MANBA: variants seen among roughly 807,000 people sequenced by gnomAD.
MANBA encodes the protein beta-mannosidase.
MANBA carries 83 observed loss-of-function variants against 111.1 expected under a neutral mutation model. The ratio of observed to expected loss-of-function variants is 0.75; its 90% CI spans 0.63 to 0.90. The LOEUF (loss-of-function observed/expected upper bound fraction) is 0.90, where lower values mean the gene tolerates loss of function less well. MANBA is among the 40% of genes least tolerant of loss of function. The pLI, the probability that MANBA is intolerant of heterozygous loss-of-function variation, is 0.00. For synonymous variants in MANBA, 370 were observed against 378.7 expected, an observed-to-expected ratio of 0.98 and a Z score of 0.27; for missense variants, 1,036 against 1,069.0, an observed-to-expected ratio of 0.97 and a Z score of 0.43.
chr4:102,661,664 C>T (rs1730961179), intron 11 of MANBA, among the ~76,000 whole-genome samples: 1 of 152,198 alleles, frequency 6.6e-6, no homozygotes, highest in Non-Finnish European at 1.5e-5. Context: ...AGTAAAATTA[C>T]AAACAAGTCT....
intron 1 of MANBA, among the ~76,000 whole-genome samples, chr4:102,745,616 C>T (rs1723558436): frequency 6.6e-6 from 1 of 152,164 alleles, no homozygotes; most frequent in Non-Finnish European, 1.5e-5. Context: ...AGCTTGCTCA[C>T]AGTGGGCCAT....
At chr4:102,709,201 A>C (rs371832992) in intron 5 of MANBA, among the ~76,000 whole-genome samples, 1 of 151,110 alleles carries the variant, frequency 6.6e-6, no homozygotes, top group South Asian at 2.1e-4. Context: ...AAAAAGGAAA[A>C]GGCAAGGCAA....
intron 1 of MANBA, chr4:102,727,627 T>C: frequency 6.5e-7 from 1 of 1,542,084 alleles, no homozygotes; most frequent in Non-Finnish European, 9.0e-7. Context: ...GCCCATGTTG[T>C]TGTATTCCCA....
Position 102,631,215 on chromosome 4 carries a change from A to G in MANBA, c.*842T>C, listed in dbSNP as rs758403100. 1 of 152,022 alleles carries G rather than the reference A, an allele frequency of 6.6e-6. No individual in the cohort carries two copies. Among genetic ancestry groups the G allele is most frequent in the Non-Finnish European group, 1.5e-5 (1 of 68,096 alleles). The allele number at this position is 152,022 out of a possible 1,614,324, so 9.4% of individuals were successfully genotyped here. On this transcript the variant is annotated 3_prime_UTR_variant, in exon 17 of 17. Transcript: ENST00000647097. ...GACTGGATTGTCTGTAGTTACTTTT[A>G]GAGTCACTGAACATAATGCTTCTCA...
chr4:102,710,448 C>T (rs1168516541), intron 5 of MANBA, among the ~76,000 whole-genome samples: 1 of 151,978 alleles, frequency 6.6e-6, no homozygotes, highest in African/African-American at 2.4e-5. Flanking sequence ...ATAAATGTAA[C>T]CAAAAAGGTG....
At chr4:102,697,927 C>T (rs1294067988) in intron 5 of MANBA, among the ~76,000 whole-genome samples, 1 of 151,852 alleles carries the variant, frequency 6.6e-6, no homozygotes, top group African/African-American at 2.4e-5. Flanking sequence ...CCTGAGGAAT[C>T]GCCACACTGA....
At chr4:102,706,108 G>A (rs551647995) in intron 5 of MANBA, among the ~76,000 whole-genome samples, 12 of 152,276 alleles carry the variant, frequency 7.9e-5, no homozygotes, top group African/African-American at 2.4e-4. Flanking sequence ...CACTGCCACT[G>A]CCAGCACCCA....
At chr4:102,734,279 G>C (rs1275744379) in intron 1 of MANBA, 2 of 1,390,762 alleles carry the variant, frequency 1.4e-6, no homozygotes, top group African/African-American at 2.9e-5. Context: ...CTCTTCCGGG[G>C]GAGAAGGGCA....
chr4:102,716,756 A>G (rs941098285), intron 4 of MANBA, among the ~76,000 whole-genome samples: 2 of 152,236 alleles, frequency 1.3e-5, no homozygotes, highest in African/African-American at 4.8e-5. Context: ...ATGGGGGGAA[A>G]AAAAGTAACA....
Position 102,631,585 on chromosome 4 carries a change from G to T in MANBA, c.*472C>A. ...CCTTTACCCAAATAGCTACCACCAA[G>T]AAATCTCTGTTGTAACATTTCAATC... On this transcript the variant is annotated 3_prime_UTR_variant, in exon 17 of 17. Transcript: ENST00000647097. 2.5e-6 allele frequency: 1 copy of T among 406,564 alleles called. No homozygotes were observed. Among genetic ancestry groups the T allele is most frequent in the African/African-American group, 2.1e-5 (1 of 48,732 alleles). 25.2% of individuals were successfully genotyped at this position (406,564 alleles called of 1,614,324 possible). A position where few individuals can be genotyped will look rare whatever the true frequency, so the allele number is the denominator to read the frequency against.
chr4:102,664,515 AT>A (rs367603222), intron 11 of MANBA, among the ~76,000 whole-genome samples, 169 bp downstream of exon 11: 1,713 of 151,268 alleles, frequency 0.011, 26 homozygotes, highest in African/African-American at 0.039. Flanking sequence ...CGCCCAGCTA[AT>A]TTTTTTTGTA....
chr4:102,632,640 T>A (rs1243292839), intron 16 of MANBA, among the ~76,000 whole-genome samples: 1 of 152,210 alleles, frequency 6.6e-6, no homozygotes, highest in South Asian at 2.1e-4. Context: ...TTTCTAAGGA[T>A]ATATCTGGAC....
At chr4:102,676,673 C>A (rs541203811) in intron 7 of MANBA, among the ~76,000 whole-genome samples, 1 of 151,294 alleles carries the variant, frequency 6.6e-6, no homozygotes, top group African/African-American at 2.5e-5. Context: ...CTGTTATCAG[C>A]ACGATAAATC....
chr4:102,729,913 C>G (rs1267097356), intron 1 of MANBA: 1 of 1,516,702 alleles, frequency 6.6e-7, no homozygotes. Flanking sequence ...TGGGTGCGCA[C>G]AGCCTGGATG....
intron 11 of MANBA, among the ~76,000 whole-genome samples, chr4:102,659,258 G>A (rs1389333447): frequency 1.3e-5 from 2 of 152,156 alleles, no homozygotes; most frequent in Non-Finnish European, 2.9e-5. Flanking sequence ...TTATAAGTAT[G>A]ATGAATATTT....
At chr4:102,638,471 G>GTT (rs35640337) in intron 14 of MANBA, among the ~76,000 whole-genome samples, 12 of 151,136 alleles carry the variant, frequency 7.9e-5, no homozygotes, top group Admixed American at 4.0e-4. Flanking sequence ...GAGTTTGAGT[G>GTT]TCTTGTTTCC....
chr4:102,648,306 A>C (rs1291961168), intron 13 of MANBA, among the ~76,000 whole-genome samples: 15 of 152,094 alleles, frequency 9.9e-5, no homozygotes, highest in Admixed American at 7.9e-4. Context: ...ATAGCCAAAA[A>C]TTGGAATACG....
At position 102,760,817 on chromosome 4, in the gene MANBA, A is replaced by T. The variant is rs967869106; in HGVS notation, c.78T>A (p.Arg26=). The change falls in exon 1 of 17, where the codon CGT becomes CGA. Residue 26 remains arginine, a synonymous_variant. Coordinates refer to ENST00000647097, the MANE Select transcript of MANBA (RefSeq NM_005908.4). The part of the protein sequence containing the change: ...TTAAELSYSL[R]GNWSICNGNG... ...TCCCATTGCAGATGCTCCAGTTGCCACGCAAGCTGTAACTGAGCTCCGCGG... is the reference window on the plus strand; with the variant it reads ...TCCCATTGCAGATGCTCCAGTTGCCTCGCAAGCTGTAACTGAGCTCCGCGG... 6.4e-7 allele frequency: 1 copy of T among 1,565,262 alleles called. No homozygotes were observed. The highest frequency in any genetic ancestry group is 1.4e-5 in the African/African-American group (1 of 74,044).
chr4:102,751,687 G>A, intron 1 of MANBA: 1 of 542,638 alleles, frequency 1.8e-6, no homozygotes, highest in Admixed American at 1.9e-5. Flanking sequence ...CCAGAGCAAT[G>A]CATGTTCCAT....
Sources: allele counts gnomAD v4.1 joint callset (sites outside exome capture counted in the v4.1 genomes callset), GRCh38; gene constraint gnomAD v4.1.1; transcripts MANE v1.5; gene names NCBI Gene and HGNC (gene_info 2026-07-23, HGNC 2026-07-21).